The following KCNB2 variants were observed in gnomAD, a reference collection of about 807,000 sequenced individuals.
The protein encoded by KCNB2 is delayed rectifier potassium channel protein.
In KCNB2, 15 loss-of-function variants were observed where a neutral mutation model predicts 61.5. That is an observed-to-expected ratio of 0.24 (90% CI 0.16 to 0.38). The LOEUF is 0.38. Among genes scored for constraint, KCNB2 ranks in the 10% least tolerant of loss-of-function variants. The pLI is 1.00. For synonymous variants in KCNB2, 457 were observed against 446.0 expected (o/e 1.02, Z -0.31); for missense variants, 828 against 1,125.2 (o/e 0.74, Z 3.78).
chr8:72,561,762 GAT>G lies in KCNB2; in HGVS notation c.-93-5867_-93-5866del, dbSNP rs1491427771. On this transcript the variant is annotated intron_variant, in intron 1 of 2. Transcript: ENST00000523207. ...ATATATATATGTATATATATATATG[GAT>G]ATATATATATATGGATATATATATA... Among the ~76,000 whole-genome samples, 53 of 14,762 alleles carry G rather than the reference GAT, an allele frequency of 3.6e-3. 9 individuals carry two copies. The highest frequency in any genetic ancestry group is 6.4e-3 in the Non-Finnish European group (51 of 7,958). The allele number at this position is 14,762 out of a possible 152,430, so 9.7% of individuals were successfully genotyped here. A position where few individuals can be genotyped will look rare whatever the true frequency, so the allele number is the denominator to read the frequency against.
At chr8:72,840,460 G>A (rs1809861643) in intron 2 of KCNB2, among the ~76,000 whole-genome samples, 1 of 152,118 alleles carries the variant, frequency 6.6e-6, no homozygotes, top group South Asian at 2.1e-4. Flanking sequence ...GGTATTTCTG[G>A]TTCTAGATCC....
At chr8:72,925,288 G>T (rs1458851809) in intron 2 of KCNB2, among the ~76,000 whole-genome samples, 1 of 152,144 alleles carries the variant, frequency 6.6e-6, no homozygotes. Context: ...TGGAAATTTA[G>T]AAAACTTCCT....
chr8:72,725,575 GTATATATA>G lies in KCNB2; in HGVS notation c.579+157266_579+157273del, dbSNP rs752447652. On this transcript the variant is annotated intron_variant, in intron 2 of 2. Transcript: ENST00000523207. ...TATATATGTATATATGTATATATAT[GTATATATA>G]TATGTATGTATATATATATATATAT... 1.5e-3 allele frequency among the ~76,000 whole-genome samples: 117 copies of G among 80,454 alleles called. 1 individual carries two copies. The highest frequency in any genetic ancestry group is 3.2e-3 in the African/African-American group (54 of 16,996). 52.8% of individuals were successfully genotyped at this position (80,454 alleles called of 152,430 possible).
At chr8:72,891,956 A>G (rs1035378795) in intron 2 of KCNB2, among the ~76,000 whole-genome samples, 1 of 152,080 alleles carries the variant, frequency 6.6e-6, no homozygotes, top group South Asian at 2.1e-4. Context: ...CTCCAAGTGG[A>G]GGGGAGAGAA....
chr8:72,914,502 G>T (rs1213788176), intron 2 of KCNB2, among the ~76,000 whole-genome samples: 1 of 152,088 alleles, frequency 6.6e-6, no homozygotes. Flanking sequence ...TTCTCAGTTG[G>T]GTTGTTTGAA....
At chr8:72,933,406 C>G (rs1210245833) in intron 2 of KCNB2, among the ~76,000 whole-genome samples, 1 of 152,224 alleles carries the variant, frequency 6.6e-6, no homozygotes, top group East Asian at 1.9e-4. Context: ...ATTTGCATTT[C>G]TACTTCTCTC....
chr8:72,661,638 T>TTTC (rs1227214126), intron 2 of KCNB2, among the ~76,000 whole-genome samples: 1 of 152,220 alleles, frequency 6.6e-6, no homozygotes, highest in Admixed American at 6.5e-5. Context: ...GGAGTAGAAT[T>TTTC]TTCATTCACA....
chr8:72,593,776 C>T (rs1197087159), intron 2 of KCNB2, among the ~76,000 whole-genome samples: 6 of 152,092 alleles, frequency 3.9e-5, no homozygotes, highest in African/African-American at 1.4e-4. Flanking sequence ...TTGTTAAGGC[C>T]ATTTTTTATG....
intron 2 of KCNB2, among the ~76,000 whole-genome samples, chr8:72,857,830 C>T (rs1247175554): frequency 2.0e-5 from 3 of 152,148 alleles, no homozygotes; most frequent in African/African-American, 7.2e-5. Context: ...TTCATTCTCC[C>T]GACAATGTAT....
intron 2 of KCNB2, among the ~76,000 whole-genome samples, chr8:72,896,380 A>G (rs1563416526): frequency 6.6e-6 from 1 of 152,144 alleles, no homozygotes; most frequent in Non-Finnish European, 1.5e-5. Context: ...TTGTTTCCAC[A>G]TGGCTATGAG....
intron 2 of KCNB2, among the ~76,000 whole-genome samples, chr8:72,636,409 A>G (rs1207769298): frequency 2.0e-5 from 3 of 152,196 alleles, no homozygotes; most frequent in African/African-American, 7.2e-5. Flanking sequence ...ACAAGTGTCC[A>G]TTATGAATTA....
At chr8:72,559,870 T>C (rs901008411) in intron 1 of KCNB2, among the ~76,000 whole-genome samples, 1 of 152,146 alleles carries the variant, frequency 6.6e-6, no homozygotes, top group Non-Finnish European at 1.5e-5. Flanking sequence ...GAGATCTGGG[T>C]TCTAGTTCAA....
At chr8:72,850,190 A>AGT (rs745821437) in intron 2 of KCNB2, among the ~76,000 whole-genome samples, 4,871 of 87,884 alleles carry the variant, frequency 0.055, 198 homozygotes, top group African/African-American at 0.14. Flanking sequence ...AGTGTATGTA[A>AGT]GTGTGTGTGT....
chr8:72,569,231 C>T (rs1188312535), intron 2 of KCNB2, among the ~76,000 whole-genome samples: 31 of 152,022 alleles, frequency 2.0e-4, no homozygotes, highest in Admixed American at 1.9e-3. Context: ...ACATTTTGTG[C>T]GTAATGGATG....
chr8:72,915,099 C>T (rs1463846648), intron 2 of KCNB2, among the ~76,000 whole-genome samples: 28 of 151,816 alleles, frequency 1.8e-4, no homozygotes, highest in Admixed American at 1.8e-3. Context: ...TTAGAGACGG[C>T]GTTTCACCAT....
At chr8:72,814,815 GTAA>G (rs1809365231) in intron 2 of KCNB2, among the ~76,000 whole-genome samples, 1 of 152,144 alleles carries the variant, frequency 6.6e-6, no homozygotes, top group African/African-American at 2.4e-5. Flanking sequence ...CCAAGTGTGT[GTAA>G]TAATAATTGC....
intron 1 of KCNB2, among the ~76,000 whole-genome samples, chr8:72,564,441 G>T (rs1403130988): frequency 1.3e-5 from 2 of 152,018 alleles, no homozygotes; most frequent in Non-Finnish European, 2.9e-5. Context: ...ATTTTTATTT[G>T]TATTCAAATT....
At chr8:72,790,033 A>G (rs1191409976) in intron 2 of KCNB2, among the ~76,000 whole-genome samples, 1 of 152,168 alleles carries the variant, frequency 6.6e-6, no homozygotes, top group Non-Finnish European at 1.5e-5. Context: ...CTCAGAAGCA[A>G]TAGAGGGGAA....
At chr8:72,668,856 A>G (rs1363511324) in intron 2 of KCNB2, among the ~76,000 whole-genome samples, 1 of 152,156 alleles carries the variant, frequency 6.6e-6, no homozygotes, top group Non-Finnish European at 1.5e-5. Flanking sequence ...TGTGTGAGAC[A>G]TGATTGTTAT....
Sources: gnomAD v4.1 joint callset for allele counts (sites outside exome capture counted in the v4.1 genomes callset) on GRCh38, gnomAD v4.1.1 for gene constraint, MANE v1.5 for transcripts, NCBI Gene and HGNC (gene_info 2026-07-23, HGNC 2026-07-21) for gene names.